Variants in CAMTA1 observed in about 807,000 individuals in gnomAD.
CAMTA1 encodes calmodulin binding transcription activator 1, also known as calmodulin-binding transcription activator 1.
A neutral mutation model predicts 170.9 loss-of-function variants in CAMTA1; 27 were observed. The ratio of observed to expected loss-of-function variants is 0.16; its 90% confidence interval spans 0.12 to 0.22. CAMTA1 has a LOEUF of 0.22. CAMTA1 is among the 10% of genes least tolerant of loss of function. The pLI is 1.00. For missense variants in CAMTA1, 1,619 were observed against 2,217.2 expected (o/e 0.73, Z 5.42); for synonymous variants, 833 against 891.5 (o/e 0.93, Z 1.17).
At chr1:7,499,989 ATGAG>A (rs1557825230) in intron 6 of CAMTA1, among the ~76,000 whole-genome samples, 1 of 139,846 alleles carries the variant, frequency 7.2e-6, no homozygotes, top group African/African-American at 2.8e-5. Context: ...GCATAGGTAT[ATGAG>A]TGTGTGTGTG....
At chr1:7,166,921 T>C (rs1648591092) in intron 4 of CAMTA1, among the ~76,000 whole-genome samples, 1 of 151,906 alleles carries the variant, frequency 6.6e-6, no homozygotes, top group African/African-American at 2.4e-5. Context: ...AGTGATTCTC[T>C]TACCTCAGCC....
intron 5 of CAMTA1, among the ~76,000 whole-genome samples, chr1:7,449,261 G>A (rs745684746): frequency 3.3e-5 from 5 of 152,242 alleles, no homozygotes; most frequent in African/African-American, 7.2e-5. Flanking sequence ...TTAACCCAGC[G>A]AAGCTGCACC....
At chr1:7,506,012 G>A (rs80036816) in intron 6 of CAMTA1, among the ~76,000 whole-genome samples, 2,294 of 152,292 alleles carry the variant, frequency 0.015, 32 homozygotes, top group Non-Finnish European at 0.024. Flanking sequence ...AGTGGAAGGG[G>A]AGGCAGAGCT....
intron 4 of CAMTA1, among the ~76,000 whole-genome samples, chr1:7,208,840 C>T (rs766204559): frequency 6.6e-6 from 1 of 152,182 alleles, no homozygotes; most frequent in Non-Finnish European, 1.5e-5. Context: ...TGTTGTTTCA[C>T]ATGTTAAATC....
intron 3 of CAMTA1, among the ~76,000 whole-genome samples, chr1:7,053,336 C>T (rs1183028476): frequency 6.6e-6 from 1 of 152,206 alleles, no homozygotes; most frequent in African/African-American, 2.4e-5. Context: ...CATCGAAGCT[C>T]TATGCCCACC....
At chr1:7,328,421 G>A (rs2082825352) in intron 5 of CAMTA1, among the ~76,000 whole-genome samples, 1 of 152,186 alleles carries the variant, frequency 6.6e-6, no homozygotes. Flanking sequence ...CTTGAGCCCA[G>A]GAGGCAGAAG....
rs149854955 is a variant in CAMTA1 at position 7,122,305 on chromosome 1, C to T, written c.302+30934C>T. ...ATGCCAGATTATATTTGCACAGCCA[C>T]GTGCACCCCAGGGATGAGTGAGAAG... On this transcript the variant is annotated intron_variant, in intron 4 of 22. Transcript: ENST00000303635. 7.2e-4 allele frequency among the ~76,000 whole-genome samples: 109 copies of T among 152,232 alleles called. No individual in the cohort carries two copies. The East Asian group carries it at 0.018, about 25-fold the overall frequency.
Position 7,585,853 on chromosome 1 carries a change from T to G in CAMTA1, c.511-54547T>G, listed in dbSNP as rs1489430332. ...TAGTAGACTCAGCCCCCACCTCCCC[T>G]GCCTCCCACCTCCCCTCTCGATGCG... On this transcript the variant is annotated intron_variant, in intron 6 of 22. Coordinates refer to ENST00000303635, the MANE Select transcript of CAMTA1 (RefSeq NM_015215.4). The surrounding 1 kb of genome is among the most constrained non-coding windows in gnomAD (Gnocchi z 4.8). Among the ~76,000 whole-genome samples the G allele has an allele frequency of 6.6e-6, 1 of 150,556 alleles. No individual in the cohort carries two copies. The highest frequency in any genetic ancestry group is 2.0e-4 in the East Asian group (1 of 5,030).
intron 4 of CAMTA1, among the ~76,000 whole-genome samples, chr1:7,133,540 T>C (rs1302224375): frequency 6.6e-6 from 1 of 152,214 alleles, no homozygotes. Context: ...ATTCCATTGA[T>C]GTTTCTGTCA....
At chr1:6,955,672 C>T (rs1689328359) in intron 3 of CAMTA1, among the ~76,000 whole-genome samples, 1 of 152,124 alleles carries the variant, frequency 6.6e-6, no homozygotes, top group Admixed American at 6.5e-5. Context: ...GTTGCTGTGC[C>T]CGGTCCCTAG....
intron 5 of CAMTA1, among the ~76,000 whole-genome samples, chr1:7,316,958 A>G (rs889808256): frequency 2.0e-5 from 3 of 152,214 alleles, no homozygotes; most frequent in African/African-American, 7.2e-5. Context: ...CTCAGTGGCC[A>G]TGTGGGGCCT....
chr1:7,469,119 C>T (rs1251137862), intron 6 of CAMTA1, among the ~76,000 whole-genome samples: 2 of 152,200 alleles, frequency 1.3e-5, no homozygotes, highest in East Asian at 3.9e-4. Context: ...TCAAATGATG[C>T]CCGAGACCAT....
intron 4 of CAMTA1, among the ~76,000 whole-genome samples, chr1:7,208,193 G>A (rs1457142718): frequency 6.6e-6 from 1 of 152,240 alleles, no homozygotes; most frequent in Non-Finnish European, 1.5e-5. Flanking sequence ...CCATAGCCTT[G>A]ACCTTACTGG....
In CAMTA1 at chr1:7,350,940, G is replaced by A. The variant is rs147691111; in HGVS notation, c.438+101314G>A. Among the ~76,000 whole-genome samples the A allele has an allele frequency of 4.7e-3, 721 of 152,308 alleles. 6 individuals are homozygous for A. Among genetic ancestry groups the A allele is most frequent in the African/African-American group, 0.017 (694 of 41,546 alleles). ...GCTTTGTAGCCTGTGTTCCTTACAC[G>A]TGGCCCAAGCTTCCAGGGCTTCCCG... On this transcript the variant is annotated intron_variant, in intron 5 of 22. Coordinates refer to ENST00000303635, the MANE Select transcript of CAMTA1 (RefSeq NM_015215.4).
At chr1:7,752,031 T>C (rs2096901153) in intron 20 of CAMTA1, among the ~76,000 whole-genome samples, 1 of 152,196 alleles carries the variant, frequency 6.6e-6, no homozygotes. Context: ...AATAAAAATG[T>C]TGAGCCAAGT....
At chr1:7,399,580 C>G (rs2089727128) in intron 5 of CAMTA1, among the ~76,000 whole-genome samples, 1 of 152,200 alleles carries the variant, frequency 6.6e-6, no homozygotes, top group Admixed American at 6.5e-5. Flanking sequence ...TGAGATTATG[C>G]TTTCATATGT....
At chr1:7,493,846 G>A (rs1022306140) in intron 6 of CAMTA1, among the ~76,000 whole-genome samples, 1 of 152,168 alleles carries the variant, frequency 6.6e-6, no homozygotes, top group East Asian at 1.9e-4. Flanking sequence ...TCAGCTTGGG[G>A]GTCACGTGGC....
chr1:6,985,613 A>G (rs1188597021), intron 3 of CAMTA1, among the ~76,000 whole-genome samples: 1 of 152,238 alleles, frequency 6.6e-6, no homozygotes, highest in Non-Finnish European at 1.5e-5. Context: ...AATAAAACTC[A>G]AAGTTAATAG....
intron 4 of CAMTA1, among the ~76,000 whole-genome samples, chr1:7,169,731 C>T (rs1029079175): frequency 3.9e-5 from 6 of 152,144 alleles, no homozygotes; most frequent in African/African-American, 7.2e-5. Context: ...AGGCTGGTCT[C>T]GAACTCCTGA....
Sources: allele counts gnomAD v4.1 joint callset (sites outside exome capture counted in the v4.1 genomes callset), GRCh38; gene constraint gnomAD v4.1.1; non-coding constraint Gnocchi (gnomAD v3.1); transcripts MANE v1.5; gene names NCBI Gene and HGNC (gene_info 2026-07-23, HGNC 2026-07-21).